Variants in CSMD3 observed in about 807,000 individuals in gnomAD.
CSMD3 encodes CUB and Sushi multiple domains 3.
CSMD3 carries 177 observed loss-of-function variants against 435.2 expected under a neutral mutation model. That is an observed-to-expected ratio of 0.41 (90% CI 0.36 to 0.46). The LOEUF (loss-of-function observed/expected upper bound fraction) is 0.46, where lower values mean the gene tolerates loss of function less well. Among genes scored for constraint, CSMD3 ranks in the 20% least tolerant of loss-of-function variants. The pLI, the probability that CSMD3 is intolerant of heterozygous loss-of-function variation, is 0.34. For missense variants in CSMD3, 4,265 were observed against 4,504.6 expected (o/e 0.95, Z 1.52); for synonymous variants, 1,656 against 1,520.5 (o/e 1.09, Z -2.07).
intron 32 of CSMD3, among the ~76,000 whole-genome samples, chr8:112,434,082 T>A (rs767290818): frequency 2.0e-5 from 3 of 152,132 alleles, no homozygotes; most frequent in Non-Finnish European, 4.4e-5. Context: ...TGGAGGTGTT[T>A]ACCTGTGCCC....
intron 56 of CSMD3, among the ~76,000 whole-genome samples, chr8:112,290,540 A>T (rs1819661533): frequency 6.6e-6 from 1 of 152,012 alleles, no homozygotes; most frequent in Non-Finnish European, 1.5e-5. Flanking sequence ...AACTATATGC[A>T]TAGAATCAAA....
At chr8:112,564,738 G>C (rs1406622421) in intron 24 of CSMD3, among the ~76,000 whole-genome samples, 1 of 152,058 alleles carries the variant, frequency 6.6e-6, no homozygotes, top group East Asian at 1.9e-4. Flanking sequence ...GTTGGCAAGA[G>C]AATCTGAAAA....
chr8:112,236,002 A>T (rs1813556077), intron 67 of CSMD3, among the ~76,000 whole-genome samples: 1 of 151,936 alleles, frequency 6.6e-6, no homozygotes, highest in Non-Finnish European at 1.5e-5. Flanking sequence ...CACAATTTAA[A>T]TGTATTTGTC....
chr8:112,589,963 G>A (rs564019827), intron 22 of CSMD3, among the ~76,000 whole-genome samples: 10 of 152,190 alleles, frequency 6.6e-5, no homozygotes, highest in African/African-American at 2.2e-4. Context: ...GGTGCTATAA[G>A]GAATAGCATA....
At chr8:113,031,192 C>T (rs1215493372) in intron 5 of CSMD3, among the ~76,000 whole-genome samples, 3 of 151,736 alleles carry the variant, frequency 2.0e-5, no homozygotes, top group South Asian at 4.2e-4. Flanking sequence ...AAAACCTGTA[C>T]ATGAATCTTC....
rs1463571842 is a variant in CSMD3 at position 113,173,919 on chromosome 8, A to G, written c.515-3T>C. ...TCCACAAGAGCTACTCTGCAATTCTATTAAAAAGGAGGAAAAGGAGAGTTT... is the reference window on the plus strand; with the variant it reads ...TCCACAAGAGCTACTCTGCAATTCTGTTAAAAAGGAGGAAAAGGAGAGTTT... On this transcript the variant is annotated splice_region_variant and splice_polypyrimidine_tract_variant and intron_variant, in intron 3 of 70. Coordinates refer to ENST00000297405, the MANE Select transcript of CSMD3 (RefSeq NM_198123.2). 1.2e-6 allele frequency: 2 copies of G among 1,608,980 alleles called. No homozygotes were observed. Among genetic ancestry groups the G allele is most frequent in the African/African-American group, 1.3e-5 (1 of 74,784 alleles).
At chr8:113,114,066 G>A (rs755168905) in intron 4 of CSMD3, among the ~76,000 whole-genome samples, 1 of 152,080 alleles carries the variant, frequency 6.6e-6, no homozygotes, top group Non-Finnish European at 1.5e-5. Flanking sequence ...TTAATTGGTA[G>A]AGAAACAGGA....
chr8:112,619,807 CT>C (rs905392368), intron 22 of CSMD3, among the ~76,000 whole-genome samples: 4 of 93,306 alleles, frequency 4.3e-5, no homozygotes, highest in African/African-American at 2.5e-4. Context: ...TTTCTCCTAT[CT>C]TAAAAAAAAA....
intron 27 of CSMD3, 94 bp from the exon 28 acceptor site, chr8:112,517,319 T>G (rs958083638): frequency 2.3e-6 from 2 of 881,560 alleles, no homozygotes; most frequent in African/African-American, 3.4e-5. Context: ...TTTAAAATTT[T>G]GGGGTCAATT....
rs2130935791 is a variant in CSMD3, at chr8:112,976,132, G to T, written c.1047C>A (p.Thr349=). The T allele has an allele frequency of 6.2e-7, 1 of 1,613,872 alleles. No homozygotes were observed. Among genetic ancestry groups the T allele is most frequent in the Non-Finnish European group, 8.5e-7 (1 of 1,179,868 alleles). Residue 349 remains threonine, a synonymous_variant, in exon 7 of 71, where the codon ACC becomes ACA. Transcript: ENST00000297405. ...SAPYQGSSTL[T]HTTSTGELEE... Reference sequence around the variant, plus strand: ...CTAACTCACCAGTGGAGGTAGTGTGGGTCAATGTAGAAGAACCTGTGGGAC... The same window carrying T: ...CTAACTCACCAGTGGAGGTAGTGTGTGTCAATGTAGAAGAACCTGTGGGAC...
intron 3 of CSMD3, among the ~76,000 whole-genome samples, chr8:113,244,762 T>C (rs1372383795): frequency 6.6e-6 from 1 of 152,172 alleles, no homozygotes; most frequent in African/African-American, 2.4e-5. Context: ...TCTGGACTGG[T>C]TTTTTTCTTG....
chr8:112,516,903 A>G, intron 28 of CSMD3, 131 bp downstream of exon 28: 2 of 693,570 alleles, frequency 2.9e-6, no homozygotes, highest in South Asian at 3.5e-5. Flanking sequence ...CATTCTGCGG[A>G]GGTTAATAAT....
At chr8:112,736,815 ATTAATATAT>A (rs2077195044) in intron 13 of CSMD3, among the ~76,000 whole-genome samples, 1 of 151,952 alleles carries the variant, frequency 6.6e-6, no homozygotes. Context: ...CACTCAATCG[ATTAATATAT>A]TTTTCTTAGG....
intron 57 of CSMD3, among the ~76,000 whole-genome samples, chr8:112,288,560 C>T (rs1819446260): frequency 6.6e-6 from 1 of 151,280 alleles, no homozygotes; most frequent in South Asian, 2.1e-4. Context: ...GAATGGTATC[C>T]ACAGAGATAA....
At chr8:112,429,483 A>C (rs1008486612) in intron 32 of CSMD3, among the ~76,000 whole-genome samples, 1 of 152,104 alleles carries the variant, frequency 6.6e-6, no homozygotes, top group Non-Finnish European at 1.5e-5. Flanking sequence ...CTAGCATGAA[A>C]GACAGCCATT....
At chr8:112,512,182 A>G (rs1823212751) in intron 28 of CSMD3, among the ~76,000 whole-genome samples, 1 of 152,176 alleles carries the variant, frequency 6.6e-6, no homozygotes, top group Non-Finnish European at 1.5e-5. Flanking sequence ...AATGTTCTTA[A>G]TGGCATCTAA....
intron 22 of CSMD3, among the ~76,000 whole-genome samples, chr8:112,610,491 T>C (rs4366101): frequency 0.58 from 87,475 of 151,858 alleles, 25,768 homozygotes; most frequent in African/African-American, 0.69. Context: ...GTGATCAATA[T>C]GGGACTTCCC....
At chr8:112,380,606 C>T (rs1829385129) in intron 37 of CSMD3, 150 bp from the exon 38 acceptor site, 1 of 610,766 alleles carries the variant, frequency 1.6e-6, no homozygotes, top group South Asian at 1.9e-5. Flanking sequence ...AAATATTTTT[C>T]TCACAATCCT....
intron 10 of CSMD3, among the ~76,000 whole-genome samples, chr8:112,864,458 C>T (rs2080917969): frequency 6.6e-6 from 1 of 151,958 alleles, no homozygotes; most frequent in Admixed American, 6.6e-5. Context: ...ACCATGTTGG[C>T]CAGGCTGGTC....
Sources: allele counts gnomAD v4.1 joint callset (sites outside exome capture counted in the v4.1 genomes callset), GRCh38; gene constraint gnomAD v4.1.1; transcripts MANE v1.5; gene names NCBI Gene and HGNC (gene_info 2026-07-23, HGNC 2026-07-21).